The following CTSD variants were observed in gnomAD, a reference collection of about 807,000 sequenced individuals.
CTSD encodes the protein cathepsin D, also known as ceroid-lipofuscinosis, neuronal 10.
Under a neutral mutation model 43.6 loss-of-function variants are expected in CTSD, and 28 were observed. The observed-to-expected ratio is 0.64, with a 90% CI of 0.48 to 0.88. The LOEUF (loss-of-function observed/expected upper bound fraction) is 0.88, where lower values mean the gene tolerates loss of function less well. CTSD is among the 40% of genes least tolerant of loss of function. The probability of loss-of-function intolerance (pLI) is 0.00; values close to 1 mark genes in which losing one functional copy is unlikely to be tolerated. For missense variants in CTSD, 485 were observed against 555.2 expected, an observed-to-expected ratio of 0.87 and a Z score of 1.27; for synonymous variants, 270 against 249.8, an observed-to-expected ratio of 1.08 and a Z score of -0.76.
At chr11:1,755,404 C>T in intron 5 of CTSD, 1 of 352,104 alleles carries the variant, frequency 2.8e-6, no homozygotes, top group South Asian at 2.3e-5. Context: ...CCAAAGAAGG[C>T]TTCCAGGAGG....
intron 6 of CTSD, 146 bp downstream of exon 6, chr11:1,754,760 G>A: frequency 4.0e-6 from 4 of 1,008,850 alleles, no homozygotes; most frequent in Non-Finnish European, 4.5e-6. Context: ...GGGGCATGGA[G>A]GGCTGGTCTG....
Position 1,761,407 on chromosome 11 carries a change from CCA to C in CTSD, c.128_129del (p.Val43GlyfsTer96). ...ACGGGGCCTTTGGCAATCAGGTCCT[CCA>C]CAGAGCCCCCAACCTCCGACATGGT... ...RRTMSEVGGS[V>X]EDLIAKGPVS... On this transcript the variant is annotated frameshift_variant, in exon 2 of 9. Transcript: ENST00000236671. LOFTEE classifies it high-confidence loss of function. The C allele has an allele frequency of 1.2e-6, 2 of 1,613,878 alleles. No individual in the cohort carries two copies. The highest frequency in any genetic ancestry group is 1.7e-6 in the Non-Finnish European group (2 of 1,180,010).
In CTSD at chr11:1,753,138, G is replaced by A; in HGVS notation, c.*365C>T. The A allele has an allele frequency of 2.8e-6, 1 of 358,624 alleles. No homozygotes were observed. The highest frequency in any genetic ancestry group is 5.4e-6 in the Non-Finnish European group (1 of 185,178). The allele number at this position is 358,624 out of a possible 1,614,324, so 22.2% of individuals were successfully genotyped here. ...CGGCCTGGTGTGGGGTAGGGGCTCA[G>A]CCCAGCGGGCGCTGGTAGGGCCGGG... On this transcript the variant is annotated 3_prime_UTR_variant, in exon 9 of 9. Transcript: ENST00000236671.
intron 2 of CTSD, chr11:1,761,089 C>A: frequency 1.7e-6 from 1 of 591,886 alleles, no homozygotes; most frequent in Non-Finnish European, 3.1e-6. Context: ...ATCACCCTCC[C>A]AGGCCCTAGC....
At position 1,763,479 on chromosome 11, in the gene CTSD, T is replaced by C. The variant is rs536305871; in HGVS notation, c.68+313A>G. 8.1e-4 allele frequency: 313 copies of C among 387,992 alleles called. 1 individual carries two copies. The highest frequency in any genetic ancestry group is 6.4e-3 in the African/African-American group (297 of 46,740). The allele number at this position is 387,992 out of a possible 1,614,324, so 24.0% of individuals were successfully genotyped here. ...AATTCCACCTGCCCCGAATGAGCAC[T>C]ACCTCCCCCCGCCCCGCCCCGTCTC... is the stretch of plus-strand genomic sequence containing the variant. On this transcript the variant is annotated intron_variant, in intron 1 of 8. Coordinates refer to ENST00000236671, the MANE Select transcript of CTSD (RefSeq NM_001909.5).
Position 1,756,286 on chromosome 11 carries a change from C to T in CTSD, c.704+1038G>A, listed in dbSNP as rs539864566. On this transcript the variant is annotated intron_variant, in intron 5 of 8. Transcript: ENST00000236671. ...GGACCCCTTTTCACCTGGCTGCCTCCCCTGTGCCCCAAGGCTCCTGGGGAA... is the reference window on the plus strand; with the variant it reads ...GGACCCCTTTTCACCTGGCTGCCTCTCCTGTGCCCCAAGGCTCCTGGGGAA... 3.3e-5 allele frequency among the ~76,000 whole-genome samples: 5 copies of T among 152,344 alleles called. No homozygotes were observed. In the South Asian group the frequency reaches 1.0e-3, roughly 32 times the overall value.
intron 2 of CTSD, among the ~76,000 whole-genome samples, chr11:1,760,018 C>A (rs1845856405): frequency 6.6e-6 from 1 of 152,216 alleles, no homozygotes; most frequent in Non-Finnish European, 1.5e-5. Context: ...CTGGAAGACT[C>A]CCCTGGTGGC....
In CTSD at chr11:1,763,867, G is replaced by A; in HGVS notation, c.-8C>T. ...AAGGCTGGAGGGCTGCATGGCGGCG[G>A]CGGCCGGGTCGGAGAGGGTCGCCGA... On this transcript the variant is annotated 5_prime_UTR_variant, in exon 1 of 9. Transcript: ENST00000236671. 6 of 1,523,016 alleles carry A rather than the reference G, an allele frequency of 3.9e-6. No homozygotes were observed. Among genetic ancestry groups the A allele is most frequent in the Non-Finnish European group, 4.4e-6 (5 of 1,140,842 alleles). The allele number at this position is 1,523,016 out of a possible 1,614,324, so 94.3% of individuals were successfully genotyped here.
At chr11:1,757,991 T>C (rs1367437631) in intron 4 of CTSD, 2 of 264,146 alleles carry the variant, frequency 7.6e-6, no homozygotes, top group Non-Finnish European at 1.5e-5. Flanking sequence ...TCCCCTTCTC[T>C]GCCTGTCCCC....
chr11:1,753,708 C>T (rs1845757115), intron 8 of CTSD, 38 bp from the exon 9 acceptor site: 1 of 1,610,588 alleles, frequency 6.2e-7, no homozygotes, highest in East Asian at 2.2e-5. Context: ...AGGCCTAGCA[C>T]CACCCGCCCC....
In CTSD at chr11:1,753,584, G is replaced by A. The variant is rs762076054; in HGVS notation, c.1158C>T (p.Gly386=). 8.1e-6 allele frequency: 13 copies of A among 1,612,932 alleles called. No homozygotes were observed. Among genetic ancestry groups the A allele is most frequent in the African/African-American group, 1.3e-5 (1 of 74,880 alleles). ...TGTAGTAGCGGCCGATGAAGACGTC[G>A]CCCAGGATCCAGAGTGGCCCGCTGG... ...PPPSGPLWIL[G]DVFIGRYYTV... Residue 386 remains glycine, a synonymous_variant, in exon 9 of 9, where the codon GGC becomes GGT. Coordinates refer to ENST00000236671, the MANE Select transcript of CTSD (RefSeq NM_001909.5).
chr11:1,753,596 G>C lies in CTSD; in HGVS notation c.1146C>G (p.Leu382=), dbSNP rs1030148662. ...CGATGAAGACGTCGCCCAGGATCCA[G>C]AGTGGCCCGCTGGGTGGCGGGATGT... ...GMDIPPPSGP[L]WILGDVFIGR... is the part of the protein sequence containing the mutation. The change falls in exon 9 of 9, where the codon CTC becomes CTG. Residue 382 remains leucine, a synonymous_variant. Coordinates refer to ENST00000236671, the MANE Select transcript of CTSD (RefSeq NM_001909.5). 6.2e-7 allele frequency: 1 copy of C among 1,613,108 alleles called. No individual in the cohort carries two copies.
In CTSD at chr11:1,753,030, T is replaced by G; in HGVS notation, c.*473A>C. On this transcript the variant is annotated 3_prime_UTR_variant, in exon 9 of 9. Coordinates refer to ENST00000236671, the MANE Select transcript of CTSD (RefSeq NM_001909.5). ...CAACGGGCCCGGGACACTGAACAGG[T>G]AGGGTGGCAGAGCCCAGCTGGGCCC... 3.7e-6 allele frequency: 1 copy of G among 270,908 alleles called. No individual in the cohort carries two copies. The highest frequency in any genetic ancestry group is 2.2e-5 in the African/African-American group (1 of 44,656). 16.8% of individuals were successfully genotyped at this position (270,908 alleles called of 1,614,324 possible). A position where few individuals can be genotyped will look rare whatever the true frequency, so the allele number is the denominator to read the frequency against.
chr11:1,758,825 C>T (rs1187181568), intron 4 of CTSD, 144 bp downstream of exon 4: 2 of 756,836 alleles, frequency 2.6e-6, no homozygotes, highest in African/African-American at 3.4e-5. Context: ...CAGACCCCTC[C>T]TCACCCTGCT....
intron 2 of CTSD, chr11:1,760,630 G>C (rs911076554): frequency 1.3e-5 from 2 of 155,352 alleles, no homozygotes; most frequent in Non-Finnish European, 2.9e-5. Context: ...GGCCAGTCGG[G>C]ACCAGGCACA....
chr11:1,757,322 A>G lies in CTSD; in HGVS notation c.704+2T>C. On this transcript the variant is annotated splice_donor_variant, in intron 5 of 8. Transcript: ENST00000236671. LOFTEE classifies it high-confidence loss of function. ...GGAGCGAGAGGGAACCCACACGCCCACCTGCTCAGGTAGAAGGAGAAGATG... is the reference window on the plus strand; with the variant it reads ...GGAGCGAGAGGGAACCCACACGCCCGCCTGCTCAGGTAGAAGGAGAAGATG... 6.2e-7 allele frequency: 1 copy of G among 1,612,654 alleles called. No individual in the cohort carries two copies. The highest frequency in any genetic ancestry group is 1.1e-5 in the South Asian group (1 of 91,000).
At chr11:1,754,368 A>AGGGGATGGAGGGGCATAGAGGGATGGG in intron 6 of CTSD, 1 of 358,192 alleles carries the variant, frequency 2.8e-6, no homozygotes, top group South Asian at 2.4e-5. Context: ...GGAGGGATGG[A>AGGGGATGGAGGGGCATAGAGGGATGGG]GGGGATGGAG....
At chr11:1,755,484 T>G (rs368476665) in intron 5 of CTSD, 1 of 299,670 alleles carries the variant, frequency 3.3e-6, no homozygotes, top group Non-Finnish European at 6.6e-6. Flanking sequence ...TGGCTGCTCC[T>G]GGGAACACCC....
At chr11:1,760,609 A>G (rs1197995961) in intron 2 of CTSD, 1 of 154,006 alleles carries the variant, frequency 6.5e-6, no homozygotes, top group African/African-American at 2.4e-5. Flanking sequence ...GCGCTAGGAC[A>G]ATCAGGAACT....
Sources: allele counts gnomAD v4.1 joint callset (sites outside exome capture counted in the v4.1 genomes callset), GRCh38; gene constraint gnomAD v4.1.1; transcripts MANE v1.5; gene names NCBI Gene and HGNC (gene_info 2026-07-23, HGNC 2026-07-21).